SYNDIG1: variants seen among roughly 807,000 people sequenced by gnomAD.
SYNDIG1 encodes the protein synapse differentiation-inducing gene protein 1.
In SYNDIG1, 9 loss-of-function variants were observed where a neutral mutation model predicts 19.4. That is an observed-to-expected ratio of 0.46 (90% CI 0.28 to 0.81). The LOEUF (loss-of-function observed/expected upper bound fraction) is 0.81, where lower values mean the gene tolerates loss of function less well. Among genes scored for constraint, SYNDIG1 ranks in the 30% least tolerant of loss-of-function variants. The pLI is 0.12. For missense variants in SYNDIG1, 311 were observed against 343.3 expected, an observed-to-expected ratio of 0.91 and a Z score of 0.74; for synonymous variants, 141 against 145.9, an observed-to-expected ratio of 0.97 and a Z score of 0.24.
At chr20:24,531,762 A>G (rs1568616482) in intron 1 of SYNDIG1, among the ~76,000 whole-genome samples, 1 of 152,208 alleles carries the variant, frequency 6.6e-6, no homozygotes, top group Non-Finnish European at 1.5e-5. Context: ...GGTGTGTGCT[A>G]TGTGTGCTAC....
At chr20:24,619,836 G>C (rs900252142) in intron 3 of SYNDIG1, among the ~76,000 whole-genome samples, 9 of 152,254 alleles carry the variant, frequency 5.9e-5, no homozygotes, top group South Asian at 4.1e-4. Flanking sequence ...GCAAAATCAG[G>C]GTTCTGTATC....
intron 1 of SYNDIG1, among the ~76,000 whole-genome samples, chr20:24,483,641 C>T (rs970883878): frequency 6.6e-5 from 10 of 152,240 alleles, no homozygotes; most frequent in South Asian, 2.1e-4. Flanking sequence ...CGCGTGTGCA[C>T]GCACCTGCCT....
intron 3 of SYNDIG1, among the ~76,000 whole-genome samples, chr20:24,617,143 G>T (rs1022063281): frequency 6.6e-6 from 1 of 152,152 alleles, no homozygotes; most frequent in Non-Finnish European, 1.5e-5. Flanking sequence ...CCGAGAAGAG[G>T]TGGCCGCCTG....
At chr20:24,549,009 A>C (rs947968829) in intron 2 of SYNDIG1, among the ~76,000 whole-genome samples, 4 of 152,152 alleles carry the variant, frequency 2.6e-5, no homozygotes, top group African/African-American at 9.7e-5. Flanking sequence ...ACATATGGTG[A>C]TCAGATCAGG....
intron 1 of SYNDIG1, among the ~76,000 whole-genome samples, chr20:24,526,203 T>C (rs1014660040): frequency 3.9e-5 from 6 of 152,218 alleles, no homozygotes; most frequent in Non-Finnish European, 7.3e-5. Context: ...TTAAATTAAT[T>C]TGTACCTATT....
At chr20:24,474,153 A>G (rs2055550690) in intron 1 of SYNDIG1, among the ~76,000 whole-genome samples, 1 of 152,244 alleles carries the variant, frequency 6.6e-6, no homozygotes, top group African/African-American at 2.4e-5. Flanking sequence ...ACTAAATTAG[A>G]TTCATATTAT....
In SYNDIG1 at chr20:24,469,764, AC is replaced by A. The variant is rs1282155912; in HGVS notation, c.-79+13del. 6.6e-6 allele frequency: 1 copy of A among 151,388 alleles called. No homozygotes were observed. Among genetic ancestry groups the A allele is most frequent in the Non-Finnish European group, 1.5e-5 (1 of 67,868 alleles). 9.4% of individuals were successfully genotyped at this position (151,388 alleles called of 1,614,324 possible). A position where few individuals can be genotyped will look rare whatever the true frequency, so the allele number is the denominator to read the frequency against. ...CACCTTGTCCCGGAGGTAAGTCCAG[AC>A]CTCCCGGCCGCGGGGGCGGGCGGAG... On this transcript the variant is annotated intron_variant, in intron 1 of 3. Coordinates refer to ENST00000376862, the MANE Select transcript of SYNDIG1 (RefSeq NM_024893.3).
At chr20:24,636,642 T>G (rs1029885160) in intron 3 of SYNDIG1, among the ~76,000 whole-genome samples, 3 of 152,196 alleles carry the variant, frequency 2.0e-5, no homozygotes, top group Non-Finnish European at 4.4e-5. Flanking sequence ...GGAAAGGAGA[T>G]GATGGAGTGC....
At chr20:24,504,205 G>T (rs545939158) in intron 1 of SYNDIG1, among the ~76,000 whole-genome samples, 1 of 152,112 alleles carries the variant, frequency 6.6e-6, no homozygotes. Context: ...TGATCCGCCC[G>T]CCTCGGCCTC....
At chr20:24,608,490 A>T (rs1272688017) in intron 3 of SYNDIG1, among the ~76,000 whole-genome samples, 1 of 152,078 alleles carries the variant, frequency 6.6e-6, no homozygotes, top group East Asian at 1.9e-4. Flanking sequence ...ATAAAATCTT[A>T]ACAGTGACAA....
intron 2 of SYNDIG1, among the ~76,000 whole-genome samples, chr20:24,574,923 T>C (rs1373922188): frequency 6.6e-6 from 1 of 152,254 alleles, no homozygotes; most frequent in Non-Finnish European, 1.5e-5. Flanking sequence ...AATACATTTG[T>C]GCTTTACCCA....
intron 3 of SYNDIG1, among the ~76,000 whole-genome samples, chr20:24,603,777 C>G (rs2058713356): frequency 6.6e-6 from 1 of 152,190 alleles, no homozygotes; most frequent in Non-Finnish European, 1.5e-5. Context: ...GAATTTTCTT[C>G]ACAAGGAAAT....
At chr20:24,481,665 C>T (rs2055801370) in intron 1 of SYNDIG1, among the ~76,000 whole-genome samples, 1 of 152,188 alleles carries the variant, frequency 6.6e-6, no homozygotes, top group Non-Finnish European at 1.5e-5. Context: ...TGTATTCAAT[C>T]TGCCATGCAG....
chr20:24,616,774 G>A (rs1050988443), intron 3 of SYNDIG1, among the ~76,000 whole-genome samples: 12 of 152,212 alleles, frequency 7.9e-5, no homozygotes, highest in East Asian at 3.9e-4. Flanking sequence ...TGCTAGCTTC[G>A]CTGTTTGCTG....
chr20:24,602,364 G>T (rs903045085), intron 3 of SYNDIG1, among the ~76,000 whole-genome samples: 3 of 152,156 alleles, frequency 2.0e-5, no homozygotes, highest in Non-Finnish European at 2.9e-5. Flanking sequence ...AAAAATTCAA[G>T]ACCATCTTAG....
At chr20:24,542,338 C>A (rs945003115) in intron 1 of SYNDIG1, among the ~76,000 whole-genome samples, 3 of 152,200 alleles carry the variant, frequency 2.0e-5, no homozygotes, top group African/African-American at 7.2e-5. Context: ...CTTTAATGTG[C>A]AGACTCATCA....
chr20:24,562,394 G>A (rs936530165), intron 2 of SYNDIG1, among the ~76,000 whole-genome samples: 3 of 152,158 alleles, frequency 2.0e-5, no homozygotes, highest in Non-Finnish European at 4.4e-5. Context: ...AACATGATTG[G>A]AATAGTAGTA....
intron 2 of SYNDIG1, among the ~76,000 whole-genome samples, chr20:24,562,861 A>G (rs2057972695): frequency 6.6e-6 from 1 of 152,200 alleles, no homozygotes; most frequent in Non-Finnish European, 1.5e-5. Flanking sequence ...TAAGGCTATA[A>G]CTATTATAAT....
At chr20:24,507,785 C>CGGCCATCTGT (rs1236685465) in intron 1 of SYNDIG1, among the ~76,000 whole-genome samples, 2 of 152,216 alleles carry the variant, frequency 1.3e-5, no homozygotes, top group Non-Finnish European at 2.9e-5. Context: ...GGGCCTCCTG[C>CGGCCATCTGT]GGCCATCTGT....
Sources: allele counts gnomAD v4.1 joint callset (sites outside exome capture counted in the v4.1 genomes callset), GRCh38; gene constraint gnomAD v4.1.1; transcripts MANE v1.5; gene names NCBI Gene and HGNC (gene_info 2026-07-23, HGNC 2026-07-21).